DPY19L3: variants seen among roughly 807,000 people sequenced by gnomAD.
DPY19L3 encodes the protein dpy-19 like C-mannosyltransferase 3.
A neutral mutation model predicts 92.3 loss-of-function variants in DPY19L3; 51 were observed. The ratio of observed to expected loss-of-function variants is 0.55; its 90% CI spans 0.44 to 0.70. DPY19L3 has a LOEUF of 0.70. DPY19L3 is among the 30% of genes least tolerant of loss of function. DPY19L3 has a pLI of 0.00. For synonymous variants in DPY19L3, 309 were observed against 315.2 expected, an observed-to-expected ratio of 0.98 and a Z score of 0.21; for missense variants, 706 against 855.9, an observed-to-expected ratio of 0.82 and a Z score of 2.18.
chr19:32,460,844 C>CTTGTT (rs59020860), intron 12 of DPY19L3, among the ~76,000 whole-genome samples: 24,176 of 148,132 alleles, frequency 0.16, 2,648 homozygotes, highest in African/African-American at 0.31. Context: ...GATACTATGA[C>CTTGTT]TTGTTTTGTT....
intron 15 of DPY19L3, chr19:32,467,362 A>T: frequency 4.7e-6 from 4 of 844,302 alleles, no homozygotes; most frequent in Non-Finnish European, 5.7e-6. Flanking sequence ...GCATTTCATT[A>T]AAAAGTTGGT....
chr19:32,424,971 T>TA (rs1968708289), intron 3 of DPY19L3, among the ~76,000 whole-genome samples: 1 of 152,270 alleles, frequency 6.6e-6, no homozygotes, highest in Admixed American at 6.5e-5. Context: ...GAAGGACAGT[T>TA]ACGTGGAGAA....
Position 32,480,503 on chromosome 19 carries a change from G to GT in DPY19L3, c.1935_1936insT (p.Arg646Ter). On this transcript the variant is annotated frameshift_variant, in exon 18 of 19. Coordinates refer to ENST00000392250, the MANE Select transcript of DPY19L3 (RefSeq NM_001172774.2). LOFTEE classifies it high-confidence loss of function. ...TGGAAGACAGCATCTGCTACGAGCG[G>GT]AGGCACCGCCGGGGCTGCCGACTCC... 1 of 1,614,184 alleles carries GT rather than the reference G, an allele frequency of 6.2e-7. No individual in the cohort carries two copies. The highest frequency in any genetic ancestry group is 8.5e-7 in the Non-Finnish European group (1 of 1,180,022).
intron 3 of DPY19L3, among the ~76,000 whole-genome samples, chr19:32,417,699 AT>A (rs1323722242): frequency 3.3e-5 from 5 of 152,166 alleles, no homozygotes; most frequent in Non-Finnish European, 7.3e-5. Context: ...TTTGCTCCTC[AT>A]TCACTTTCTG....
intron 12 of DPY19L3, among the ~76,000 whole-genome samples, chr19:32,460,488 G>A (rs150857182): frequency 6.6e-6 from 1 of 152,318 alleles, no homozygotes; most frequent in East Asian, 1.9e-4. Flanking sequence ...GGAGCTTGCA[G>A]GACTGGAAGT....
intron 16 of DPY19L3, among the ~76,000 whole-genome samples, chr19:32,476,741 T>C (rs1161862300): frequency 6.6e-6 from 1 of 152,132 alleles, no homozygotes; most frequent in African/African-American, 2.4e-5. Flanking sequence ...TGCCCCGTGT[T>C]CCTTAAACTG....
At chr19:32,428,262 G>A (rs748377908) in intron 3 of DPY19L3, among the ~76,000 whole-genome samples, 6 of 152,092 alleles carry the variant, frequency 3.9e-5, no homozygotes, top group Non-Finnish European at 8.8e-5. Flanking sequence ...GTGAGCCACC[G>A]CGCCTGGCCT....
At chr19:32,406,933 T>G (rs1395554851) in intron 1 of DPY19L3, among the ~76,000 whole-genome samples, 3 of 151,984 alleles carry the variant, frequency 2.0e-5, no homozygotes, top group African/African-American at 7.3e-5. Context: ...AACACTCCTC[T>G]TCTCCCTCTC....
intron 8 of DPY19L3, among the ~76,000 whole-genome samples, chr19:32,445,516 A>T (rs1969469796): frequency 6.6e-6 from 1 of 151,384 alleles, no homozygotes; most frequent in South Asian, 2.1e-4. Flanking sequence ...ATGAAAGGGA[A>T]ATCAAAACAT....
At chr19:32,434,501 AC>A (rs1469603580) in intron 4 of DPY19L3, among the ~76,000 whole-genome samples, 1 of 152,120 alleles carries the variant, frequency 6.6e-6, no homozygotes, top group African/African-American at 2.4e-5. Context: ...TACTAAAAAT[AC>A]AAAAAAATTA....
Position 32,430,388 on chromosome 19 carries a change from A to T in DPY19L3, c.238-2328A>T, listed in dbSNP as rs912784009. 5.9e-5 allele frequency among the ~76,000 whole-genome samples: 9 copies of T among 152,150 alleles called. No individual in the cohort carries two copies. The South Asian group carries it at 1.0e-3, about 18-fold the overall frequency. On this transcript the variant is annotated intron_variant, in intron 3 of 18. Coordinates refer to ENST00000392250, the MANE Select transcript of DPY19L3 (RefSeq NM_001172774.2). The stretch of plus-strand genomic sequence containing the variant: ...CAGAGTGAGACCCTGTCTCCAAAAA[A>T]AAATAAATAAATTTCAGAACCTGAT...
At chr19:32,474,683 C>T (rs1055184564) in intron 16 of DPY19L3, among the ~76,000 whole-genome samples, 10 of 152,120 alleles carry the variant, frequency 6.6e-5, no homozygotes, top group Non-Finnish European at 1.3e-4. Context: ...TTATGCCTCC[C>T]GGGTTCAAGT....
intron 2 of DPY19L3, among the ~76,000 whole-genome samples, chr19:32,410,963 C>A (rs1024517401): frequency 6.6e-6 from 1 of 152,100 alleles, no homozygotes; most frequent in Non-Finnish European, 1.5e-5. Context: ...CGGACAGAGG[C>A]CCTCAGTATT....
chr19:32,453,838 A>G (rs1969782786), intron 9 of DPY19L3, among the ~76,000 whole-genome samples: 1 of 152,148 alleles, frequency 6.6e-6, no homozygotes. Context: ...ATGTTTGAAA[A>G]CAATGACTTG....
chr19:32,480,751 G>A (rs1479003993), intron 18 of DPY19L3, 194 bp downstream of exon 18: 2 of 749,408 alleles, frequency 2.7e-6, no homozygotes, highest in Non-Finnish European at 4.2e-6. Flanking sequence ...GCTGGGCAAG[G>A]GAGAGGTGAG....
intron 6 of DPY19L3, among the ~76,000 whole-genome samples, chr19:32,438,224 GT>G (rs1432021450): frequency 6.6e-6 from 1 of 152,054 alleles, no homozygotes; most frequent in Non-Finnish European, 1.5e-5. Context: ...TCTAATACAG[GT>G]TTTATTTTGT....
At chr19:32,430,369 G>A (rs561767400) in intron 3 of DPY19L3, among the ~76,000 whole-genome samples, 3 of 152,092 alleles carry the variant, frequency 2.0e-5, no homozygotes, top group South Asian at 2.1e-4. Context: ...GTGACAGAGT[G>A]AGACCCTGTC....
At position 32,479,672 on chromosome 19, in the gene DPY19L3, A is replaced by C. The variant is rs113738300; in HGVS notation, c.1831-727A>C. On this transcript the variant is annotated intron_variant, in intron 17 of 18. Transcript: ENST00000392250. ...CCTCTCTTCATGAACCCCCACATTC[A>C]ACACCTCACACAGCCTGTTTCCATT... is the stretch of plus-strand genomic sequence containing the variant. 1.4e-3 allele frequency: 538 copies of C among 387,942 alleles called. 1 individual carries two copies. The highest frequency in any genetic ancestry group is 0.011 in the African/African-American group (503 of 46,912). The allele number at this position is 387,942 out of a possible 1,614,324, so 24.0% of individuals were successfully genotyped here.
chr19:32,434,886 G>A (rs1386745529), intron 4 of DPY19L3, among the ~76,000 whole-genome samples: 1 of 151,986 alleles, frequency 6.6e-6, no homozygotes, highest in African/African-American at 2.4e-5. Context: ...TTCTTGTAAG[G>A]CCACTAATCC....
Sources: gnomAD v4.1 joint callset for allele counts (sites outside exome capture counted in the v4.1 genomes callset) on GRCh38, gnomAD v4.1.1 for gene constraint, MANE v1.5 for transcripts, NCBI Gene and HGNC (gene_info 2026-07-23, HGNC 2026-07-21) for gene names.